Variants in ZNRF2 observed in about 807,000 individuals in gnomAD.
ZNRF2 encodes the protein E3 ubiquitin-protein ligase ZNRF2.
Under a neutral mutation model 20.4 loss-of-function variants are expected in ZNRF2, and 16 were observed. The ratio of observed to expected loss-of-function variants is 0.79; its 90% CI spans 0.53 to 1.19. The LOEUF is 1.19. Ranked by LOEUF, ZNRF2 falls within the 50% of genes most tolerant of loss-of-function variation. The pLI is 0.00. For synonymous variants in ZNRF2, 178 were observed against 144.9 expected (o/e 1.23, Z -1.64); for missense variants, 363 against 332.4 (o/e 1.09, Z -0.72).
chr7:30,359,733 T>C (rs2127957510), intron 3 of ZNRF2, among the ~76,000 whole-genome samples: 1 of 152,306 alleles, frequency 6.6e-6, no homozygotes, highest in South Asian at 2.1e-4. Flanking sequence ...TTAATCCTCT[T>C]TCTGTAAGGC....
chr7:30,293,306 T>A (rs1798945830), intron 1 of ZNRF2, among the ~76,000 whole-genome samples: 1 of 151,112 alleles, frequency 6.6e-6, no homozygotes, highest in Non-Finnish European at 1.5e-5. Context: ...TACAGTGCAG[T>A]AGTGCGATCT....
chr7:30,353,703 C>T (rs1583595948), intron 2 of ZNRF2, among the ~76,000 whole-genome samples: 6 of 152,024 alleles, frequency 3.9e-5, no homozygotes, highest in South Asian at 2.1e-4. Flanking sequence ...AAATGAGATG[C>T]GTCTAAAATC....
At chr7:30,342,714 T>C (rs1003173097) in intron 2 of ZNRF2, among the ~76,000 whole-genome samples, 1 of 152,158 alleles carries the variant, frequency 6.6e-6, no homozygotes, top group Admixed American at 6.5e-5. Context: ...TTAATTTTTC[T>C]TTCTTGTTTT....
chr7:30,291,592 T>C (rs1798911544), intron 1 of ZNRF2, among the ~76,000 whole-genome samples: 1 of 152,216 alleles, frequency 6.6e-6, no homozygotes, highest in East Asian at 1.9e-4. Context: ...GGGTACATAG[T>C]GATGTCTTTA....
chr7:30,350,377 G>A (rs1481942302), intron 2 of ZNRF2, among the ~76,000 whole-genome samples: 2 of 152,022 alleles, frequency 1.3e-5, no homozygotes, highest in African/African-American at 4.8e-5. Context: ...CAGATGAAGA[G>A]TAGCTACATG....
chr7:30,344,113 G>A (rs1343581307), intron 2 of ZNRF2, among the ~76,000 whole-genome samples: 1 of 151,594 alleles, frequency 6.6e-6, no homozygotes, highest in East Asian at 1.9e-4. Flanking sequence ...GTAGAGACGG[G>A]GTTTCAGCAT....
chr7:30,337,374 A>G (rs1799732402), intron 2 of ZNRF2, among the ~76,000 whole-genome samples: 4 of 152,180 alleles, frequency 2.6e-5, no homozygotes, highest in Admixed American at 2.6e-4. Context: ...CCTACAGAAT[A>G]TATGAGACTC....
intron 2 of ZNRF2, among the ~76,000 whole-genome samples, chr7:30,336,037 G>A (rs796699971): frequency 6.6e-6 from 1 of 152,134 alleles, no homozygotes; most frequent in African/African-American, 2.4e-5. Context: ...TAAACCATAT[G>A]CCAGAGGTGT....
intron 2 of ZNRF2, among the ~76,000 whole-genome samples, chr7:30,339,835 CT>C (rs1799768965): frequency 6.6e-6 from 1 of 151,948 alleles, no homozygotes; most frequent in Non-Finnish European, 1.5e-5. Context: ...ATAGCATTGA[CT>C]CTATAAATTA....
rs536467496 is a variant in ZNRF2 at position 30,303,996 on chromosome 7, G to A, written c.469+18170G>A. Among the ~76,000 whole-genome samples, 80 of 152,144 alleles carry A rather than the reference G, an allele frequency of 5.3e-4. 1 individual carries two copies. Among genetic ancestry groups the A allele is most frequent in the Non-Finnish European group, 1.1e-3 (77 of 68,018 alleles). ...TGTCCCTTCCCCACCCAGTGTCATT[G>A]TTGAATAGATTTTACTTAAAGTTGC... On this transcript the variant is annotated intron_variant, in intron 1 of 4. Coordinates refer to ENST00000323037, the MANE Select transcript of ZNRF2 (RefSeq NM_147128.4).
Position 30,284,682 on chromosome 7 carries a change from ACC to A in ZNRF2, c.-671_-670del, listed in dbSNP as rs1478493078. Reference sequence around the variant, plus strand: ...CGGGGAACCTCCTCCCCATCTGCGCACCCCCCGCCTTCGCGGCCCAGATCCTC... The same window carrying A: ...CGGGGAACCTCCTCCCCATCTGCGCACCCCGCCTTCGCGGCCCAGATCCTC... On this transcript the variant is annotated 5_prime_UTR_variant, in exon 1 of 5. Transcript: ENST00000323037. The A allele has an allele frequency of 6.4e-6, 1 of 156,684 alleles. No homozygotes were observed. Among genetic ancestry groups the A allele is most frequent in the Non-Finnish European group, 1.4e-5 (1 of 70,478 alleles). 9.7% of individuals were successfully genotyped at this position (156,684 alleles called of 1,614,324 possible).
intron 1 of ZNRF2, chr7:30,289,650 TGTGTGTAA>T (rs1443395854): frequency 2.8e-6 from 1 of 357,192 alleles, no homozygotes; most frequent in Non-Finnish European, 5.7e-6. Context: ...CATGTTTTGC[TGTGTGTAA>T]GTGTGGCCTG....
At chr7:30,287,592 C>G (rs1203254783) in intron 1 of ZNRF2, among the ~76,000 whole-genome samples, 2 of 152,188 alleles carry the variant, frequency 1.3e-5, no homozygotes, top group East Asian at 1.9e-4. Context: ...GTAAAAATAC[C>G]TAGTTGCTTA....
At chr7:30,297,408 A>G (rs1583567444) in intron 1 of ZNRF2, among the ~76,000 whole-genome samples, 2 of 152,272 alleles carry the variant, frequency 1.3e-5, no homozygotes, top group African/African-American at 2.4e-5. Flanking sequence ...AGCCGATACA[A>G]TTTCATAGTT....
In ZNRF2 at chr7:30,285,589, C is replaced by T; in HGVS notation, c.232C>T (p.Pro78Ser). Residue 78 changes from proline (P) to serine (S), a missense_variant, in exon 1 of 5, where the codon CCG becomes TCG. Transcript: ENST00000323037. Reference protein sequence around the residue: ...AAAAPAAPAAPRSRSLGGAVG... With the variant: ...AAAAPAAPAASRSRSLGGAVG... The stretch of plus-strand genomic sequence containing the variant: ...GGCGGCCCCGGCAGCCCCGGCGGCC[C>T]CGCGCAGCCGCTCCCTCGGCGGGGC... 2 of 1,087,444 alleles carry T rather than the reference C, an allele frequency of 1.8e-6. No individual in the cohort carries two copies. Among genetic ancestry groups the T allele is most frequent in the Non-Finnish European group, 2.2e-6 (2 of 896,574 alleles). 67.4% of individuals were successfully genotyped at this position (1,087,444 alleles called of 1,614,324 possible).
intron 2 of ZNRF2, among the ~76,000 whole-genome samples, chr7:30,352,044 A>G (rs917310557): frequency 6.6e-6 from 1 of 152,018 alleles, no homozygotes; most frequent in Non-Finnish European, 1.5e-5. Context: ...TGCATGAAGT[A>G]CTATCTGATA....
chr7:30,332,523 C>A (rs989432585), intron 2 of ZNRF2, among the ~76,000 whole-genome samples: 12 of 152,062 alleles, frequency 7.9e-5, no homozygotes, highest in African/African-American at 2.9e-4. Flanking sequence ...TGTCCCCCTC[C>A]CTCTCTTCCC....
intron 2 of ZNRF2, among the ~76,000 whole-genome samples, chr7:30,324,440 T>C (rs1799521013): frequency 6.6e-6 from 1 of 150,502 alleles, no homozygotes; most frequent in Non-Finnish European, 1.5e-5. Context: ...TCCTAGCTAC[T>C]CGGGAGGCTG....
chr7:30,329,890 C>G (rs1012226303), intron 2 of ZNRF2, among the ~76,000 whole-genome samples: 1 of 152,152 alleles, frequency 6.6e-6, no homozygotes, highest in African/African-American at 2.4e-5. Context: ...GTACTGTTCT[C>G]CATAATGGCT....
Sources: allele counts gnomAD v4.1 joint callset (sites outside exome capture counted in the v4.1 genomes callset), GRCh38; gene constraint gnomAD v4.1.1; transcripts MANE v1.5; gene names NCBI Gene and HGNC (gene_info 2026-07-23, HGNC 2026-07-21).